The following SEMA3A variants were observed in gnomAD, a reference collection of about 807,000 sequenced individuals.
The protein encoded by SEMA3A is semaphorin 3A.
SEMA3A carries 29 observed loss-of-function variants against 97.9 expected under a neutral mutation model. That is an observed-to-expected ratio of 0.30 (90% confidence interval 0.22 to 0.40). The LOEUF (loss-of-function observed/expected upper bound fraction) is 0.40, where lower values mean the gene tolerates loss of function less well. Among genes scored for constraint, SEMA3A ranks in the 10% least tolerant of loss-of-function variants. The pLI, the probability that SEMA3A is intolerant of heterozygous loss-of-function variation, is 1.00. For synonymous variants in SEMA3A, 321 were observed against 323.7 expected, an observed-to-expected ratio of 0.99 and a Z score of 0.09; for missense variants, 763 against 951.3, an observed-to-expected ratio of 0.80 and a Z score of 2.60.
intron 2 of SEMA3A, among the ~76,000 whole-genome samples, chr7:84,308,960 G>C (rs1408412316): frequency 6.6e-6 from 1 of 151,956 alleles, no homozygotes; most frequent in African/African-American, 2.4e-5. Context: ...TGGGATTACA[G>C]GTGCCTGCCA....
intron 4 of SEMA3A, among the ~76,000 whole-genome samples, chr7:84,103,463 A>G (rs954376770): frequency 5.3e-5 from 8 of 152,150 alleles, no homozygotes; most frequent in Admixed American, 4.6e-4. Flanking sequence ...TGCTTATTTC[A>G]TTTTTTCACA....
At chr7:83,965,639 TATATATATATATATATATATATATA>T (rs1788644515) in intron 15 of SEMA3A, among the ~76,000 whole-genome samples, 2 of 7,462 alleles carry the variant, frequency 2.7e-4, no homozygotes, top group Admixed American at 1.3e-3. Flanking sequence ...TATATATATA[TATATATATATATATATATATATATA>T]TATTTTTTTT....
chr7:84,059,418 T>C (rs955597729), intron 5 of SEMA3A, among the ~76,000 whole-genome samples: 1 of 152,210 alleles, frequency 6.6e-6, no homozygotes, highest in Non-Finnish European at 1.5e-5. Context: ...AGAAAAAATA[T>C]ATATCTTCAT....
intron 3 of SEMA3A, among the ~76,000 whole-genome samples, chr7:84,278,924 G>T (rs776258988): frequency 6.6e-6 from 1 of 151,984 alleles, no homozygotes; most frequent in Non-Finnish European, 1.5e-5. Context: ...TAAGGATCTA[G>T]CATAAGGGAC....
intron 1 of SEMA3A, among the ~76,000 whole-genome samples, chr7:84,430,505 A>T (rs1804950332): frequency 1.3e-5 from 2 of 152,074 alleles, no homozygotes; most frequent in Non-Finnish European, 2.9e-5. Flanking sequence ...AATAAAAATT[A>T]TTGCAAACTC....
intron 3 of SEMA3A, among the ~76,000 whole-genome samples, chr7:84,287,330 C>T (rs1800615942): frequency 6.6e-6 from 1 of 151,996 alleles, no homozygotes; most frequent in African/African-American, 2.4e-5. Context: ...AAAAACATCA[C>T]TCCCATTTTT....
At chr7:83,978,400 G>T (rs1789257333) in intron 14 of SEMA3A, among the ~76,000 whole-genome samples, 1 of 152,144 alleles carries the variant, frequency 6.6e-6, no homozygotes, top group Admixed American at 6.5e-5. Context: ...GGAAGGAGGA[G>T]GTAGGCTGTA....
At chr7:84,442,522 T>C (rs889482509) in intron 1 of SEMA3A, among the ~76,000 whole-genome samples, 1 of 151,690 alleles carries the variant, frequency 6.6e-6, no homozygotes, top group Non-Finnish European at 1.5e-5. Context: ...ACAAAAAAAA[T>C]CAACTAAACA....
At position 84,390,060 on chromosome 7, in the gene SEMA3A, T is replaced by C. The variant is rs1345898332; in HGVS notation, c.-245-18160A>G. On this transcript the variant is annotated intron_variant, in intron 1 of 3. Coordinates refer to the SEMA3A transcript ENST00000424555. Reference sequence around the variant, plus strand: ...AGTCTTGTTTCCACATGGTGACATATTAAACTCGGTTTGTTATGATTATTT... The same window carrying C: ...AGTCTTGTTTCCACATGGTGACATACTAAACTCGGTTTGTTATGATTATTT... Among the ~76,000 whole-genome samples the C allele has an allele frequency of 3.3e-5, 5 of 152,116 alleles. No homozygotes were observed. In the East Asian group the frequency reaches 9.6e-4, roughly 29 times the overall value.
intron 1 of SEMA3A, among the ~76,000 whole-genome samples, chr7:84,391,176 A>T (rs1803563713): frequency 6.6e-6 from 1 of 152,210 alleles, no homozygotes; most frequent in African/African-American, 2.4e-5. Context: ...TTCATAGGAC[A>T]AACCTTCTAG....
rs542052697 is a variant in SEMA3A, at chr7:84,376,855, T to A, written c.-245-4955A>T. Among the ~76,000 whole-genome samples, 372 of 150,636 alleles carry A rather than the reference T, an allele frequency of 2.5e-3. 1 individual carries two copies. Among genetic ancestry groups the A allele is most frequent in the Middle Eastern group, 0.01 (3 of 290 alleles). ...ATTTTTAATCAGATTTATTTTTATGTATGTATGTATGTATGTATGTATGTT... is the reference window on the plus strand; with the variant it reads ...ATTTTTAATCAGATTTATTTTTATGAATGTATGTATGTATGTATGTATGTT... On this transcript the variant is annotated intron_variant, in intron 1 of 3. Coordinates refer to the SEMA3A transcript ENST00000424555.
intron 1 of SEMA3A, among the ~76,000 whole-genome samples, chr7:84,191,773 T>A (rs1798044817): frequency 6.6e-6 from 1 of 151,780 alleles, no homozygotes; most frequent in South Asian, 2.1e-4. Context: ...CACATTTTCT[T>A]CCCCCATAAG....
intron 1 of SEMA3A, among the ~76,000 whole-genome samples, chr7:84,150,573 C>G (rs929646783): frequency 6.6e-6 from 1 of 152,182 alleles, no homozygotes; most frequent in African/African-American, 2.4e-5. Flanking sequence ...TATCCCGCAC[C>G]TGGCTCAGAG....
chr7:84,286,653 G>T (rs965803440), intron 3 of SEMA3A, among the ~76,000 whole-genome samples: 81 of 152,146 alleles, frequency 5.3e-4, no homozygotes, highest in African/African-American at 1.7e-3. Flanking sequence ...ATGAGTAAAA[G>T]TTCAGAGAAA....
At chr7:84,338,212 C>T (rs887919579) in intron 2 of SEMA3A, among the ~76,000 whole-genome samples, 17 of 150,716 alleles carry the variant, frequency 1.1e-4, no homozygotes, top group South Asian at 4.2e-4. Context: ...TCCATATATC[C>T]CAATAATGGG....
At chr7:84,232,742 T>C (rs1041321896) in intron 3 of SEMA3A, among the ~76,000 whole-genome samples, 16 of 151,996 alleles carry the variant, frequency 1.1e-4, no homozygotes, top group African/African-American at 2.7e-4. Context: ...ATTCATTTTC[T>C]TGAAATGCCT....
intron 1 of SEMA3A, among the ~76,000 whole-genome samples, chr7:84,405,486 C>T (rs957867323): frequency 4.6e-5 from 7 of 152,056 alleles, no homozygotes; most frequent in South Asian, 2.1e-4. Flanking sequence ...GACAGATCAA[C>T]GAGACAGAAA....
chr7:83,971,598 G>T lies in SEMA3A; in HGVS notation c.1717+5534C>A, dbSNP rs558825648. ...TCTAGTATGACATTTTCACCAATTA[G>T]ATTCTATGTAAATATTCAATGTGTT... On this transcript the variant is annotated intron_variant, in intron 15 of 16. Transcript: ENST00000265362. 2.6e-5 allele frequency among the ~76,000 whole-genome samples: 4 copies of T among 152,072 alleles called. No individual in the cohort carries two copies. In the South Asian group the frequency reaches 6.2e-4, roughly 24 times the overall value.
chr7:84,375,084 A>G (rs2116115283), intron 1 of SEMA3A, among the ~76,000 whole-genome samples: 1 of 152,288 alleles, frequency 6.6e-6, no homozygotes, highest in East Asian at 1.9e-4. Context: ...TAGTGGTGCC[A>G]TCTCAGCTCA....
Sources: gnomAD v4.1 joint callset for allele counts (sites outside exome capture counted in the v4.1 genomes callset) on GRCh38, gnomAD v4.1.1 for gene constraint, MANE v1.5 for transcripts, NCBI Gene and HGNC (gene_info 2026-07-23, HGNC 2026-07-21) for gene names.